Variants in SPIDR observed in about 807,000 individuals in gnomAD.
SPIDR encodes DNA repair-scaffolding protein.
Under a neutral mutation model 104.6 loss-of-function variants are expected in SPIDR, and 93 were observed. That is an observed-to-expected ratio of 0.89 (90% CI 0.75 to 1.06). SPIDR has a LOEUF of 1.06. SPIDR is among the 50% of genes least tolerant of loss of function. The pLI, the probability that SPIDR is intolerant of heterozygous loss-of-function variation, is 0.00. For missense variants in SPIDR, 1,154 were observed against 1,111.2 expected (o/e 1.04, Z -0.55); for synonymous variants, 431 against 416.9 (o/e 1.03, Z -0.41).
Position 47,713,496 on chromosome 8 carries a change from T to G in SPIDR, c.2196T>G (p.Ile732Met). The G allele has an allele frequency of 6.2e-7, 1 of 1,614,174 alleles. No homozygotes were observed. Residue 732 changes from isoleucine (I) to methionine (M), a missense_variant, in exon 16 of 20, where the codon ATT becomes ATG. Coordinates refer to ENST00000297423, the MANE Select transcript of SPIDR (RefSeq NM_001080394.4). ...FKDALRDQGR[I>M]VCAERTVLLL... Reference sequence around the variant, plus strand: ...AAGTGTCTCTGTCGGCAGGTCGGATTGTTTGTGCTGAACGAACTGTCCTCT... The same window carrying G: ...AAGTGTCTCTGTCGGCAGGTCGGATGGTTTGTGCTGAACGAACTGTCCTCT...
chr8:47,595,995 C>G lies in SPIDR; in HGVS notation c.1282C>G (p.Pro428Ala). The G allele has an allele frequency of 6.2e-7, 1 of 1,610,408 alleles. No homozygotes were observed. The highest frequency in any genetic ancestry group is 8.5e-7 in the Non-Finnish European group (1 of 1,178,994). Residue 428 changes from proline to alanine, a missense_variant, in exon 9 of 20, where the codon CCT (proline) becomes GCT (alanine). Transcript: ENST00000297423. ...FVIKGLTNNS[P>A]EIQVVCSGVA... is the part of the protein sequence containing the mutation. ...AATTAAGGGTCTAACAAATAATTCACCTGAAATCCAGGTAAACTCCTATTG... is the reference window on the plus strand; with the variant it reads ...AATTAAGGGTCTAACAAATAATTCAGCTGAAATCCAGGTAAACTCCTATTG...
intron 1 of SPIDR, among the ~76,000 whole-genome samples, chr8:47,261,243 C>A (rs954367267): frequency 1.3e-5 from 2 of 152,212 alleles, no homozygotes; most frequent in South Asian, 4.1e-4. Context: ...AGGGGTGGGA[C>A]CGCCGAGGGA....
intron 5 of SPIDR, among the ~76,000 whole-genome samples, chr8:47,313,895 A>G (rs1554587514): frequency 6.6e-6 from 1 of 152,222 alleles, no homozygotes; most frequent in Non-Finnish European, 1.5e-5. Flanking sequence ...AAGAAAACAT[A>G]CTTTCTAGCT....
At chr8:47,532,529 T>G (rs1019182785) in intron 8 of SPIDR, among the ~76,000 whole-genome samples, 1 of 152,172 alleles carries the variant, frequency 6.6e-6, no homozygotes, top group Admixed American at 6.5e-5. Flanking sequence ...AGAAAAATTA[T>G]CAAAGATAAA....
At chr8:47,313,038 A>G (rs1554586695) in intron 5 of SPIDR, among the ~76,000 whole-genome samples, 1 of 152,186 alleles carries the variant, frequency 6.6e-6, no homozygotes, top group Admixed American at 6.5e-5. Context: ...CCTATTCAAC[A>G]TAGTGTTGGA....
intron 10 of SPIDR, among the ~76,000 whole-genome samples, chr8:47,635,764 A>G (rs2067821524): frequency 6.6e-6 from 1 of 152,164 alleles, no homozygotes. Context: ...TACCCTAAGA[A>G]GAGGATATTT....
rs368027761 is a variant in SPIDR at position 47,387,922 on chromosome 8, T to C, written c.526-8454T>C. ...CTGACATTCAAGATCCTCCACAGCT[T>C]GCTCCTCACCCAATCCATAGGATTA... On this transcript the variant is annotated intron_variant, in intron 5 of 19. Transcript: ENST00000297423. Among the ~76,000 whole-genome samples the C allele has an allele frequency of 3.8e-3, 578 of 152,342 alleles. 3 individuals are homozygous for C. The highest frequency in any genetic ancestry group is 0.022 in the South Asian group (108 of 4,826).
intron 10 of SPIDR, among the ~76,000 whole-genome samples, chr8:47,612,367 A>G (rs1357260906): frequency 6.6e-6 from 1 of 152,212 alleles, no homozygotes; most frequent in Non-Finnish European, 1.5e-5. Flanking sequence ...AACTGCAGTG[A>G]CAGCAAGGAT....
intron 5 of SPIDR, among the ~76,000 whole-genome samples, chr8:47,365,135 A>G (rs1251860499): frequency 2.6e-5 from 4 of 152,192 alleles, no homozygotes; most frequent in African/African-American, 9.7e-5. Context: ...CTTTGGAGGC[A>G]TCAAGCTCCT....
At chr8:47,486,683 G>A (rs2077683913) in intron 8 of SPIDR, among the ~76,000 whole-genome samples, 1 of 152,188 alleles carries the variant, frequency 6.6e-6, no homozygotes, top group Admixed American at 6.5e-5. Context: ...AGAAGAGAGT[G>A]GGGGCCGATA....
At chr8:47,426,882 G>A (rs2066498049) in intron 7 of SPIDR, among the ~76,000 whole-genome samples, 1 of 152,202 alleles carries the variant, frequency 6.6e-6, no homozygotes, top group Non-Finnish European at 1.5e-5. Context: ...TGGAGATTAA[G>A]CTTCCAGCAC....
intron 5 of SPIDR, among the ~76,000 whole-genome samples, chr8:47,330,026 C>A (rs1380548862): frequency 6.6e-6 from 1 of 152,054 alleles, no homozygotes; most frequent in Non-Finnish European, 1.5e-5. Context: ...TTACTGACAC[C>A]CAGATTTTTC....
At chr8:47,510,128 G>A (rs1409048520) in intron 8 of SPIDR, among the ~76,000 whole-genome samples, 4 of 152,070 alleles carry the variant, frequency 2.6e-5, no homozygotes, top group Non-Finnish European at 4.4e-5. Context: ...GCAATGTGGG[G>A]GTTTTTTTTC....
intron 1 of SPIDR, among the ~76,000 whole-genome samples, chr8:47,265,414 T>C (rs541583599): frequency 1.3e-5 from 2 of 151,672 alleles, no homozygotes; most frequent in Admixed American, 1.3e-4. Flanking sequence ...TGGTCTCGAA[T>C]TCCTGACCTC....
In SPIDR at chr8:47,260,983, G is replaced by A. The variant is rs1242307070; in HGVS notation, c.25G>A (p.Gly9Ser). 2.4e-6 allele frequency: 3 copies of A among 1,230,584 alleles called. No homozygotes were observed. The highest frequency in any genetic ancestry group is 3.0e-6 in the Non-Finnish European group (3 of 986,956). The allele number at this position is 1,230,584 out of a possible 1,614,324, so 76.2% of individuals were successfully genotyped here. A position where few individuals can be genotyped will look rare whatever the true frequency, so the allele number is the denominator to read the frequency against. The change falls in exon 1 of 20, where the codon GGC becomes AGC. Residue 9 changes from glycine to serine, a missense_variant. Gly to Ser is a moderately conservative substitution (Grantham distance 56, BLOSUM62 0). Coordinates refer to ENST00000297423, the MANE Select transcript of SPIDR (RefSeq NM_001080394.4). MPRGSRAR[G>S]SKRKRSWNTE... ...GATGCCCCGCGGCAGCCGCGCTCGGGGCTCTAAGGTAGGCTCTGGGGCGGG... is the reference window on the plus strand; with the variant it reads ...GATGCCCCGCGGCAGCCGCGCTCGGAGCTCTAAGGTAGGCTCTGGGGCGGG...
At chr8:47,340,130 G>A (rs1223978888) in intron 5 of SPIDR, among the ~76,000 whole-genome samples, 2 of 151,736 alleles carry the variant, frequency 1.3e-5, no homozygotes, top group Non-Finnish European at 2.9e-5. Flanking sequence ...TTTATATTAT[G>A]CCTTCTTTCT....
chr8:47,564,921 T>G (rs1237349766), intron 8 of SPIDR, among the ~76,000 whole-genome samples: 1 of 152,100 alleles, frequency 6.6e-6, no homozygotes, highest in African/African-American at 2.4e-5. Flanking sequence ...ACAGATTTAT[T>G]TTATTTTAGG....
At chr8:47,605,489 C>T (rs993300121) in intron 10 of SPIDR, among the ~76,000 whole-genome samples, 1 of 152,182 alleles carries the variant, frequency 6.6e-6, no homozygotes. Flanking sequence ...AACAAAAGAA[C>T]TGCAATGAGG....
At chr8:47,299,779 C>A (rs1410597562) in intron 5 of SPIDR, among the ~76,000 whole-genome samples, 3 of 152,150 alleles carry the variant, frequency 2.0e-5, no homozygotes, top group Non-Finnish European at 2.9e-5. Context: ...GTTGAACCAG[C>A]CTTGCATCCC....
Sources: allele counts gnomAD v4.1 joint callset (sites outside exome capture counted in the v4.1 genomes callset), GRCh38; gene constraint gnomAD v4.1.1; transcripts MANE v1.5; gene names NCBI Gene and HGNC (gene_info 2026-07-23, HGNC 2026-07-21).